The following PCLO variants were observed in gnomAD, a reference collection of about 807,000 sequenced individuals.
PCLO encodes protein piccolo.
In PCLO, 82 loss-of-function variants were observed where a neutral mutation model predicts 427.5. The observed-to-expected ratio is 0.19, with a 90% confidence interval of 0.16 to 0.23. PCLO has a LOEUF of 0.23. Among genes scored for constraint, PCLO ranks in the 10% least tolerant of loss-of-function variants. PCLO has a pLI of 1.00. For synonymous variants in PCLO, 2,357 were observed against 2,155.4 expected, an observed-to-expected ratio of 1.09 and a Z score of -2.59; for missense variants, 6,239 against 6,115.9, an observed-to-expected ratio of 1.02 and a Z score of -0.67.
At chr7:82,866,655 T>TACAC (rs71096605) in intron 10 of PCLO, among the ~76,000 whole-genome samples, 544 of 143,154 alleles carry the variant, frequency 3.8e-3, no homozygotes, top group Middle Eastern at 0.011. Context: ...TGAAATTTTA[T>TACAC]ACACACACAC....
In PCLO at chr7:82,845,275, C is replaced by G. The variant is rs750598082; in HGVS notation, c.14042G>C (p.Ser4681Thr). The change falls in exon 13 of 25, where the codon AGC becomes ACC. Residue 4681 changes from serine to threonine, a missense_variant. By Grantham distance (58) the Ser-to-Thr change is moderately conservative. This residue lies in a region of PCLO where 877 missense variants were observed against 925.5 expected (regional missense o/e 0.95). Coordinates refer to ENST00000333891, the MANE Select transcript of PCLO (RefSeq NM_033026.6). The part of the protein sequence containing the change: ...PSVSKKKHGS[S>T]KPTDGTKVVS... ...GGTCACATCAACAATCCTCACCTTG[C>G]TGCTGCCGTGCTTCTTTTTGCTCAC... The G allele has an allele frequency of 2.5e-5, 41 of 1,612,366 alleles. No individual in the cohort carries two copies. In the Admixed American group the frequency reaches 6.7e-4, roughly 26 times the overall value.
Position 82,760,723 on chromosome 7 carries a change from T to A in PCLO, c.15204A>T (p.Lys5068Asn), listed in dbSNP as rs755188665. Residue 5068 changes from lysine to asparagine, a missense_variant, in exon 24 of 25, where the codon AAA (lysine) becomes AAT (asparagine). By Grantham distance (94) the Lys-to-Asn change is moderately conservative. Coordinates refer to ENST00000333891, the MANE Select transcript of PCLO (RefSeq NM_033026.6). ...ISTQKKVIKK[K>N]TRVCRHDREP... ...CTCGATCATGTCTGCATACTCTTGT[T>A]TTTTTCTTGATCACCTTTTTTTGGG... 2.5e-6 allele frequency: 4 copies of A among 1,581,834 alleles called. 1 individual carries two copies. The South Asian group carries it at 4.5e-5, about 18-fold the overall frequency.
At chr7:82,902,368 T>A (rs762449912) in intron 9 of PCLO, among the ~76,000 whole-genome samples, 2 of 151,866 alleles carry the variant, frequency 1.3e-5, no homozygotes, top group East Asian at 2.0e-4. Flanking sequence ...CAGATGGGAA[T>A]TGAACAATGA....
Position 82,835,664 on chromosome 7 carries a change from T to C in PCLO, c.14249+3A>G. On this transcript the variant is annotated splice_donor_region_variant and intron_variant, in intron 16 of 24. Coordinates refer to ENST00000333891, the MANE Select transcript of PCLO (RefSeq NM_033026.6). ...CTTGACACTGAAAGAGAAACAACTC[T>C]ACCTTGCATTCTGGACAACCATGAC... 1 of 1,608,668 alleles carries C rather than the reference T, an allele frequency of 6.2e-7. No homozygotes were observed. The highest frequency in any genetic ancestry group is 1.3e-5 in the African/African-American group (1 of 74,974).
rs187994561 is a variant in PCLO, at chr7:83,040,743, C to T, written c.3301-74256G>A. 4.6e-5 allele frequency among the ~76,000 whole-genome samples: 7 copies of T among 152,178 alleles called. No homozygotes were observed. The East Asian group carries it at 1.4e-3, about 29-fold the overall frequency. On this transcript the variant is annotated intron_variant, in intron 3 of 24. Transcript: ENST00000333891. ...CTCCATACTCTATTACAAATGATGTCAGTTTCTTTGGAGAGGAATTTAGAG... is the reference window on the plus strand; with the variant it reads ...CTCCATACTCTATTACAAATGATGTTAGTTTCTTTGGAGAGGAATTTAGAG...
chr7:83,064,946 T>C (rs1041234390), intron 3 of PCLO, among the ~76,000 whole-genome samples: 1 of 151,900 alleles, frequency 6.6e-6, no homozygotes, highest in South Asian at 2.1e-4. Flanking sequence ...GTTGGAAACA[T>C]AGAATACTAT....
At chr7:82,918,213 A>AG (rs1215318038) in intron 6 of PCLO, among the ~76,000 whole-genome samples, 1 of 151,960 alleles carries the variant, frequency 6.6e-6, no homozygotes, top group Non-Finnish European at 1.5e-5. Context: ...GAAGTCCCCA[A>AG]GGCAGCTGTT....
Position 82,951,452 on chromosome 7 carries a change from A to G in PCLO, c.9136T>C (p.Tyr3046His), listed in dbSNP as rs766796092. The G allele has an allele frequency of 6.3e-7, 1 of 1,584,440 alleles. No individual in the cohort carries two copies. Among genetic ancestry groups the G allele is most frequent in the South Asian group, 1.1e-5 (1 of 87,086 alleles). Residue 3046 changes from tyrosine to histidine, a missense_variant, in exon 6 of 25, where the codon TAT becomes CAT. Transcript: ENST00000333891. ...GAAATGACTTGTCGTGTTTCTGGAT[A>G]TGGACCTGTAGTCTTGCTTGAATAA... ...MDYSSKTTGP[Y>H]PETRQVISGA...
rs1313050174 is a variant in PCLO at position 82,956,407 on chromosome 7, T to A, written c.4546A>T (p.Ser1516Cys). 6.2e-7 allele frequency: 1 copy of A among 1,613,738 alleles called. No individual in the cohort carries two copies. The highest frequency in any genetic ancestry group is 1.1e-5 in the South Asian group (1 of 91,070). Reference protein sequence around the residue: ...RREPYDSVEESSESENSPVPQ... With the variant: ...RREPYDSVEECSESENSPVPQ... ...ACAGGTGAGTTTTCACTTTCACTAC[T>A]CTCTTCAACTGAATCATAAGGCTCT... Residue 1516 changes from serine to cysteine, a missense_variant, in exon 5 of 25, where the codon AGT becomes TGT. Around this residue, in one of 5 missense-constraint regions of PCLO, gnomAD observed 4,677 missense variants for 4,468.4 expected, o/e 1.05. Transcript: ENST00000333891.
intron 3 of PCLO, among the ~76,000 whole-genome samples, chr7:83,116,767 T>C (rs138098656): frequency 2.6e-5 from 4 of 152,194 alleles, no homozygotes; most frequent in Non-Finnish European, 4.4e-5. Flanking sequence ...TATCCTTAAC[T>C]AACATCTCCT....
intron 9 of PCLO, among the ~76,000 whole-genome samples, chr7:82,890,719 T>A (rs1185598980): frequency 6.6e-6 from 1 of 152,012 alleles, no homozygotes; most frequent in African/African-American, 2.4e-5. Flanking sequence ...TATAGAACTA[T>A]CCTTACCATG....
At chr7:82,943,215 T>C (rs1197885433) in intron 6 of PCLO, among the ~76,000 whole-genome samples, 2 of 152,194 alleles carry the variant, frequency 1.3e-5, no homozygotes, top group Non-Finnish European at 2.9e-5. Flanking sequence ...TGCTTTGCAA[T>C]AGGATCCTGG....
chr7:82,880,460 T>G (rs1411483815), intron 9 of PCLO: 1 of 374,146 alleles, frequency 2.7e-6, no homozygotes, highest in South Asian at 2.0e-5. Flanking sequence ...TCCAAGCTGG[T>G]CTCAAACTCC....
intron 6 of PCLO, among the ~76,000 whole-genome samples, chr7:82,931,726 G>A (rs1382067960): frequency 6.6e-6 from 1 of 152,108 alleles, no homozygotes; most frequent in Non-Finnish European, 1.5e-5. Context: ...AACAGTGCAA[G>A]CAAGATGGGA....
chr7:82,909,071 G>T (rs1445155366), intron 7 of PCLO, 58 bp from the exon 8 acceptor site: 2 of 1,563,366 alleles, frequency 1.3e-6, no homozygotes, highest in Admixed American at 3.4e-5. Context: ...GATGATTGAG[G>T]GAAGCAGATG....
At position 82,956,845 on chromosome 7, in the gene PCLO, T is replaced by C. The variant is rs1339803840; in HGVS notation, c.4108A>G (p.Ile1370Val). 1.2e-6 allele frequency: 2 copies of C among 1,613,910 alleles called. No individual in the cohort carries two copies. The highest frequency in any genetic ancestry group is 2.2e-5 in the East Asian group (1 of 44,862). ...LSDTGYSSDG[I>V]SSSLGEIPSL... Reference sequence around the variant, plus strand: ...GGAATTTCACCAAGTGAGCTTGATATTCCATCGGAAGAATATCCCGTGTCG... The same window carrying C: ...GGAATTTCACCAAGTGAGCTTGATACTCCATCGGAAGAATATCCCGTGTCG... Residue 1370 changes from isoleucine to valine, a missense_variant, in exon 5 of 25, where the codon ATA becomes GTA. Around this residue, in one of 5 missense-constraint regions of PCLO, gnomAD observed 4,677 missense variants for 4,468.4 expected, o/e 1.05. Coordinates refer to ENST00000333891, the MANE Select transcript of PCLO (RefSeq NM_033026.6).
intron 3 of PCLO, among the ~76,000 whole-genome samples, chr7:83,042,142 A>T (rs963762338): frequency 1.3e-5 from 2 of 152,158 alleles, no homozygotes; most frequent in African/African-American, 4.8e-5. Flanking sequence ...GACAAGGTTA[A>T]TAATATTATT....
rs1398072529 is a variant in PCLO at position 82,805,698 on chromosome 7, T to C, written c.14923A>G (p.Ile4975Val). The change falls in exon 21 of 25, where the codon ATT (isoleucine) becomes GTT (valine). Residue 4975 changes from isoleucine (I) to valine (V), a missense_variant. Physicochemically the swap from Ile to Val is conservative, Grantham distance 29 (BLOSUM62 3). Around this residue, in one of 5 missense-constraint regions of PCLO, gnomAD observed 877 missense variants for 925.5 expected, o/e 0.95. Coordinates refer to ENST00000333891, the MANE Select transcript of PCLO (RefSeq NM_033026.6). The part of the protein sequence containing the change: ...STAGETNLFP[I>V]PRIGKMGQNG... ...AAGAGACCCACTTACATCCTCGGAATAGGAAATAGATTAGTCTCCCCTGCA... is the reference window on the plus strand; with the variant it reads ...AAGAGACCCACTTACATCCTCGGAACAGGAAATAGATTAGTCTCCCCTGCA... The C allele has an allele frequency of 4.3e-6, 7 of 1,612,868 alleles. No individual in the cohort carries two copies. The highest frequency in any genetic ancestry group is 1.7e-5 in the Admixed American group (1 of 59,866).
At chr7:83,059,357 A>AAAATAT (rs1332566491) in intron 3 of PCLO, among the ~76,000 whole-genome samples, 6,572 of 111,566 alleles carry the variant, frequency 0.059, 230 homozygotes, top group African/African-American at 0.067. Context: ...ACACCTTTAA[A>AAAATAT]ATATATATAT....
Sources: allele counts gnomAD v4.1 joint callset (sites outside exome capture counted in the v4.1 genomes callset), GRCh38; gene constraint gnomAD v4.1.1; regional missense constraint gnomAD v4.1.1; transcripts MANE v1.5; gene names NCBI Gene and HGNC (gene_info 2026-07-23, HGNC 2026-07-21).